FUS: variants seen among roughly 807,000 people sequenced by gnomAD.
FUS encodes FUS RNA binding protein, also known as RNA-binding protein FUS.
Under a neutral mutation model 82.7 loss-of-function variants are expected in FUS, and 5 were observed. That is an observed-to-expected ratio of 0.06 (90% CI 0.03 to 0.13). FUS has a LOEUF of 0.13. FUS is among the 10% of genes least tolerant of loss of function. The pLI, the probability that FUS is intolerant of heterozygous loss-of-function variation, is 1.00. For missense variants in FUS, 512 were observed against 707.8 expected, an observed-to-expected ratio of 0.72 and a Z score of 3.14; for synonymous variants, 281 against 247.4, an observed-to-expected ratio of 1.14 and a Z score of -1.27.
chr16:31,184,290 G>C lies in FUS; in HGVS notation c.417G>C (p.Gln139His). 1 of 1,613,966 alleles carries C rather than the reference G, an allele frequency of 6.2e-7. No individual in the cohort carries two copies. The highest frequency in any genetic ancestry group is 1.1e-5 in the South Asian group (1 of 91,072). ...SYSQQPSYGG[Q>H]QQSYGQQQSY... ...GCCAGCAGCCTAGCTATGGTGGACA[G>C]CAGCAAAGCTATGGACAGCAGCAAA... The change falls in exon 5 of 15, where the codon CAG becomes CAC. Residue 139 changes from glutamine (Q) to histidine (H), a missense_variant. This residue lies in a region of FUS where 276 missense variants were observed against 303.3 expected (regional missense o/e 0.91). Transcript: ENST00000254108.
chr16:31,180,615 C>A (rs2058041964), intron 1 of FUS, among the ~76,000 whole-genome samples: 1 of 152,248 alleles, frequency 6.6e-6, no homozygotes, highest in South Asian at 2.1e-4. Context: ...GGCGCGCACG[C>A]GCTCTGCGGG....
intron 12 of FUS, 136 bp downstream of exon 12, chr16:31,190,534 T>C: frequency 7.2e-7 from 1 of 1,388,414 alleles, no homozygotes; most frequent in Non-Finnish European, 1.0e-6. Flanking sequence ...GCCAAAAGCT[T>C]ACCTAGGTAA....
intron 3 of FUS, 32 bp downstream of exon 3, chr16:31,182,696 ACT>A (rs1388578064): frequency 6.2e-7 from 1 of 1,613,080 alleles, no homozygotes; most frequent in Non-Finnish European, 8.5e-7. Context: ...ACCTCTTCCT[ACT>A]CTTTCTGAAT....
Position 31,191,168 on chromosome 16 carries a change from CAG to C in FUS, c.1541+59_1541+60del. 1.3e-5 allele frequency: 21 copies of C among 1,596,846 alleles called. No individual in the cohort carries two copies. In the South Asian group the frequency reaches 1.7e-4, roughly 13 times the overall value. On this transcript the variant is annotated intron_variant, in intron 14 of 14. Coordinates refer to ENST00000254108, the MANE Select transcript of FUS (RefSeq NM_004960.4). Reference sequence around the variant, plus strand: ...CAGTTGAACAGAGGCCATAGGATAACAGGGTTTTGTTGAGAAAGTGGTTTCAT... The same window carrying C: ...CAGTTGAACAGAGGCCATAGGATAACGGTTTTGTTGAGAAAGTGGTTTCAT...
Position 31,182,652 on chromosome 16 carries a change from C to G in FUS, c.178C>G (p.Gln60Glu). The change falls in exon 3 of 15, where the codon CAG (glutamine) becomes GAG (glutamate). Residue 60 changes from glutamine to glutamate, a missense_variant. Coordinates refer to ENST00000254108, the MANE Select transcript of FUS (RefSeq NM_004960.4). Reference protein sequence around the residue: ...YGQSSYSSYGQSQNTGYGTQS... With the variant: ...YGQSSYSSYGESQNTGYGTQS... ...CCAGAGCAGCTATTCTTCTTATGGC[C>G]AGAGCCAGAACAGTGAGTCTTTCTC... 6.2e-7 allele frequency: 1 copy of G among 1,614,230 alleles called. No homozygotes were observed. The highest frequency in any genetic ancestry group is 1.1e-5 in the South Asian group (1 of 91,086).
Position 31,189,677 on chromosome 16 carries a change from A to G in FUS, c.949A>G (p.Thr317Ala). Residue 317 changes from threonine to alanine, a missense_variant, in exon 10 of 15, where the codon ACG (threonine) becomes GCG (alanine). Coordinates refer to ENST00000254108, the MANE Select transcript of FUS (RefSeq NM_004960.4). ...TTGCTTTCTTCAGACAAACAAGAAA[A>G]CGGGACAGCCCATGATTAATTTGTA... ...QIGIIKTNKKTGQPMINLYTD... is the reference protein window; with the variant it reads ...QIGIIKTNKKAGQPMINLYTD... 6.2e-7 allele frequency: 1 copy of G among 1,614,212 alleles called. No individual in the cohort carries two copies. The highest frequency in any genetic ancestry group is 8.5e-7 in the Non-Finnish European group (1 of 1,180,042).
rs931196869 is a variant in FUS, at chr16:31,186,870, C to G, written c.799+34C>G. ...ACAGAGTTTCCAAAATTCCCAACTC[C>G]CAGCAATGCTTTGTCTGATTGTTCA... On this transcript the variant is annotated intron_variant, in intron 7 of 14. Transcript: ENST00000254108. 7 of 1,588,438 alleles carry G rather than the reference C, an allele frequency of 4.4e-6. 1 individual carries two copies. The African/African-American group carries it at 9.4e-5, about 21-fold the overall frequency.
intron 6 of FUS, 200 bp downstream of exon 6, chr16:31,185,379 C>T: frequency 3.1e-6 from 2 of 645,090 alleles, no homozygotes; most frequent in Admixed American, 2.8e-5. Flanking sequence ...AACTCCCATC[C>T]ATACCACTGA....
At chr16:31,183,810 T>C (rs1400851875) in intron 3 of FUS, 48 bp from the exon 4 acceptor site, 1 of 1,612,628 alleles carries the variant, frequency 6.2e-7, no homozygotes, top group East Asian at 2.2e-5. Flanking sequence ...TCCTTACATT[T>C]TCTCTTTCCT....
rs760472428 is a variant in FUS at position 31,191,130 on chromosome 16, T to C, written c.1541+20T>C. ...TTCCAGGTAAGACTTTAAATCAGAA[T>C]AAAAAAGTAGAGCAGTTGAACAGAG... On this transcript the variant is annotated intron_variant, in intron 14 of 14. Transcript: ENST00000254108. 3.1e-6 allele frequency: 5 copies of C among 1,611,460 alleles called. No homozygotes were observed. In the East Asian group the frequency reaches 1.1e-4, roughly 36 times the overall value.
At chr16:31,193,896 C>G (rs748465842), downstream of FUS, 3 of 528,848 alleles carry the variant, frequency 5.7e-6, no homozygotes, top group South Asian at 4.6e-5. Flanking sequence ...ACCTGCCTGC[C>G]TCAGCCTCCC....
downstream of FUS, chr16:31,192,041 A>T (rs1287396465): frequency 9.4e-6 from 5 of 532,836 alleles, no homozygotes; most frequent in Non-Finnish European, 1.8e-5. Flanking sequence ...TTTCACAGGA[A>T]GGAGAGTAAC....
At chr16:31,185,484 C>T (rs2079255388) in intron 6 of FUS, 3 of 621,014 alleles carry the variant, frequency 4.8e-6, no homozygotes, top group Non-Finnish European at 9.0e-6. Context: ...AGGCAAGAAA[C>T]ATGGAAGTGA....
At chr16:31,194,142 C>T (rs1437171219), downstream of FUS, 1 of 532,178 alleles carries the variant, frequency 1.9e-6, no homozygotes, top group East Asian at 3.9e-5. Flanking sequence ...TGTGCCGGGC[C>T]TTCCTGGGTT....
At chr16:31,182,343 T>C in intron 1 of FUS, 55 bp from the exon 2 acceptor site, 1 of 1,603,076 alleles carries the variant, frequency 6.2e-7, no homozygotes, top group East Asian at 2.2e-5. Flanking sequence ...TAGCTTTAAT[T>C]CAACTCTTTC....
chr16:31,191,092 C>T lies in FUS; in HGVS notation c.1523C>T (p.Pro508Leu). 6.2e-7 allele frequency: 1 copy of T among 1,612,808 alleles called. No individual in the cohort carries two copies. Among genetic ancestry groups the T allele is most frequent in the Non-Finnish European group, 8.5e-7 (1 of 1,179,996 alleles). Residue 508 changes from proline to leucine, a missense_variant, in exon 14 of 15, where the codon CCT (proline) becomes CTT (leucine). This residue lies in a region of FUS where 96 missense variants were observed against 120.7 expected (regional missense o/e 0.80). Transcript: ENST00000254108. ...RGGGDRGGFGPGKMDSRGEHR... is the reference protein window; with the variant it reads ...RGGGDRGGFGLGKMDSRGEHR... ...GGTGGGGACAGAGGTGGCTTTGGCC[C>T]TGGCAAGATGGATTCCAGGTAAGAC...
chr16:31,183,686 T>TAA, intron 3 of FUS, 172 bp from the exon 4 acceptor site: 1 of 770,176 alleles, frequency 1.3e-6, no homozygotes, highest in Non-Finnish European at 2.2e-6. Context: ...GTTGAAGCAT[T>TAA]AAATTTAGGC....
At chr16:31,190,663 A>G (rs961282891) in intron 12 of FUS, 79 bp from the exon 13 acceptor site, 1 of 1,373,090 alleles carries the variant, frequency 7.3e-7, no homozygotes, top group Non-Finnish European at 1.0e-6. Flanking sequence ...GTATCTCTAA[A>G]GTCACCGTAG....
At position 31,182,495 on chromosome 16, in the gene FUS, G is replaced by A; in HGVS notation, c.39-18G>A. ...TCACGCCATGTTTTCTGATCACGCTGGTTTTCCTTTTATTTAGCTATGGGG... is the reference window on the plus strand; with the variant it reads ...TCACGCCATGTTTTCTGATCACGCTAGTTTTCCTTTTATTTAGCTATGGGG... On this transcript the variant is annotated intron_variant, in intron 2 of 14. Coordinates refer to ENST00000254108, the MANE Select transcript of FUS (RefSeq NM_004960.4). The A allele has an allele frequency of 6.2e-7, 1 of 1,614,176 alleles. No individual in the cohort carries two copies. The highest frequency in any genetic ancestry group is 8.5e-7 in the Non-Finnish European group (1 of 1,180,024).
Sources: gnomAD v4.1 joint callset for allele counts (sites outside exome capture counted in the v4.1 genomes callset) on GRCh38, gnomAD v4.1.1 for gene constraint, gnomAD v4.1.1 regional missense constraint, MANE v1.5 for transcripts, NCBI Gene and HGNC (gene_info 2026-07-23, HGNC 2026-07-21) for gene names.